Variants in GPC5 observed in about 807,000 individuals in gnomAD.
GPC5 encodes glypican-5.
Under a neutral mutation model 53.9 loss-of-function variants are expected in GPC5, and 47 were observed. The ratio of observed to expected loss-of-function variants is 0.87; its 90% CI spans 0.69 to 1.11. The LOEUF (loss-of-function observed/expected upper bound fraction) is 1.11, where lower values mean the gene tolerates loss of function less well. GPC5 is among the 50% of genes most tolerant of loss of function. GPC5 has a pLI of 0.00. For synonymous variants in GPC5, 286 were observed against 263.3 expected (o/e 1.09, Z -0.84); for missense variants, 748 against 713.1 (o/e 1.05, Z -0.56).
chr13:91,790,225 A>G (rs1213279017), intron 5 of GPC5, among the ~76,000 whole-genome samples: 1 of 152,106 alleles, frequency 6.6e-6, no homozygotes, highest in African/African-American at 2.4e-5. Context: ...CATTTCTCAG[A>G]TTGTTAGTTA....
At position 91,576,061 on chromosome 13, in the gene GPC5, A is replaced by G. The variant is rs150823154; in HGVS notation, c.326-117126A>G. Among the ~76,000 whole-genome samples, 317 of 152,258 alleles carry G rather than the reference A, an allele frequency of 2.1e-3. 2 individuals are homozygous for G. The highest frequency in any genetic ancestry group is 3.9e-3 in the Non-Finnish European group (267 of 68,010). Reference sequence around the variant, plus strand: ...AGGTAGAACTGTCCTGAATATTGTCAGTCATAGCAGTGTAGGATGGAGATT... The same window carrying G: ...AGGTAGAACTGTCCTGAATATTGTCGGTCATAGCAGTGTAGGATGGAGATT... On this transcript the variant is annotated intron_variant, in intron 2 of 7. Coordinates refer to ENST00000377067, the MANE Select transcript of GPC5 (RefSeq NM_004466.6).
At chr13:92,067,635 A>G (rs762323553) in intron 6 of GPC5, among the ~76,000 whole-genome samples, 1 of 152,046 alleles carries the variant, frequency 6.6e-6, no homozygotes, top group African/African-American at 2.4e-5. Context: ...TAACTCTTGG[A>G]TTTCTAATTA....
intron 7 of GPC5, among the ~76,000 whole-genome samples, chr13:92,480,168 G>A (rs1207491786): frequency 6.6e-6 from 1 of 152,048 alleles, no homozygotes; most frequent in African/African-American, 2.4e-5. Context: ...GAGTGAAATA[G>A]AATCTTCAAT....
intron 7 of GPC5, among the ~76,000 whole-genome samples, chr13:92,848,562 T>C (rs1030283846): frequency 6.6e-6 from 1 of 152,092 alleles, no homozygotes; most frequent in Non-Finnish European, 1.5e-5. Flanking sequence ...TAAAATCAAG[T>C]AGATGGGATC....
At chr13:91,408,727 A>G (rs1877507878) in intron 1 of GPC5, among the ~76,000 whole-genome samples, 1 of 152,158 alleles carries the variant, frequency 6.6e-6, no homozygotes, top group Admixed American at 6.5e-5. Flanking sequence ...TAAATTGTTT[A>G]TTACTCTTAT....
intron 7 of GPC5, among the ~76,000 whole-genome samples, chr13:92,563,334 T>G (rs1196659935): frequency 6.6e-6 from 1 of 152,078 alleles, no homozygotes; most frequent in African/African-American, 2.4e-5. Context: ...CTAAGCTTTT[T>G]ATCTAATAGT....
chr13:92,737,766 C>CTTTTTTTT (rs33914729), intron 7 of GPC5, among the ~76,000 whole-genome samples: 105 of 102,058 alleles, frequency 1.0e-3, no homozygotes, highest in East Asian at 2.6e-3. Context: ...TTTTCTTTTT[C>CTTTTTTTT]TTTTTTTTTT....
intron 6 of GPC5, among the ~76,000 whole-genome samples, chr13:92,085,491 T>G (rs564281918): frequency 6.6e-6 from 1 of 152,302 alleles, no homozygotes; most frequent in Admixed American, 6.5e-5. Flanking sequence ...AGCAACATTT[T>G]TGGCACCAGG....
intron 7 of GPC5, among the ~76,000 whole-genome samples, chr13:92,436,769 G>A (rs921128038): frequency 3.3e-5 from 5 of 152,206 alleles, no homozygotes; most frequent in African/African-American, 9.6e-5. Flanking sequence ...ACTAAAATCA[G>A]TCATGTATGA....
At chr13:91,577,138 A>G (rs2139061820) in intron 2 of GPC5, among the ~76,000 whole-genome samples, 1 of 152,208 alleles carries the variant, frequency 6.6e-6, no homozygotes, top group South Asian at 2.1e-4. Flanking sequence ...TAGGCACTAT[A>G]TGGATTCTCC....
At chr13:91,409,206 A>G (rs1877545590) in intron 1 of GPC5, among the ~76,000 whole-genome samples, 1 of 152,204 alleles carries the variant, frequency 6.6e-6, no homozygotes, top group Non-Finnish European at 1.5e-5. Flanking sequence ...GTAGGTCAAT[A>G]AAATGAAGAG....
At chr13:92,501,090 G>A (rs1213628457) in intron 7 of GPC5, among the ~76,000 whole-genome samples, 2 of 151,956 alleles carry the variant, frequency 1.3e-5, no homozygotes, top group African/African-American at 4.8e-5. Flanking sequence ...CCTCACATAT[G>A]GCTTACAAGG....
intron 6 of GPC5, among the ~76,000 whole-genome samples, chr13:92,079,034 A>G (rs6492581): frequency 0.52 from 78,776 of 151,722 alleles, 20,810 homozygotes; most frequent in East Asian, 0.79. Context: ...CTTTCTCAGG[A>G]TGTTACTTCT....
intron 3 of GPC5, among the ~76,000 whole-genome samples, chr13:91,704,797 CCCCT>C (rs755591703): frequency 6.6e-6 from 1 of 152,212 alleles, no homozygotes; most frequent in Non-Finnish European, 1.5e-5. Context: ...GCTACCCTAA[CCCCT>C]TCCTAATTGA....
chr13:91,874,077 A>G (rs1474691368), intron 5 of GPC5, among the ~76,000 whole-genome samples: 1 of 152,192 alleles, frequency 6.6e-6, no homozygotes, highest in African/African-American at 2.4e-5. Flanking sequence ...ATGAGACCAA[A>G]AATACATAGT....
intron 6 of GPC5, among the ~76,000 whole-genome samples, chr13:92,036,480 A>G (rs1375834999): frequency 6.6e-6 from 1 of 152,228 alleles, no homozygotes; most frequent in Admixed American, 6.5e-5. Flanking sequence ...GCTCATTATA[A>G]GGGTCATGCA....
chr13:91,933,126 A>G (rs550901907), intron 6 of GPC5, among the ~76,000 whole-genome samples: 31 of 151,998 alleles, frequency 2.0e-4, no homozygotes, highest in Admixed American at 1.5e-3. Context: ...GAAATTCCTC[A>G]TTATCAACGG....
At chr13:92,022,164 T>G (rs1360997854) in intron 6 of GPC5, among the ~76,000 whole-genome samples, 1 of 152,090 alleles carries the variant, frequency 6.6e-6, no homozygotes, top group African/African-American at 2.4e-5. Context: ...CACACCCAGC[T>G]AATTTTTGTA....
chr13:92,385,381 C>CAT (rs67898974), intron 7 of GPC5, among the ~76,000 whole-genome samples: 5 of 92,994 alleles, frequency 5.4e-5, no homozygotes, highest in Non-Finnish European at 8.5e-5. Context: ...TACATATATA[C>CAT]ATATATATAC....
Sources: allele counts gnomAD v4.1 joint callset (sites outside exome capture counted in the v4.1 genomes callset), GRCh38; gene constraint gnomAD v4.1.1; transcripts MANE v1.5; gene names NCBI Gene and HGNC (gene_info 2026-07-23, HGNC 2026-07-21).